CREB3L2: variants seen among roughly 807,000 people sequenced by gnomAD.
The protein encoded by CREB3L2 is cyclic AMP-responsive element-binding protein 3-like protein 2.
A neutral mutation model predicts 57.2 loss-of-function variants in CREB3L2; 23 were observed. That is an observed-to-expected ratio of 0.40 (90% confidence interval 0.29 to 0.57). The LOEUF (loss-of-function observed/expected upper bound fraction) is 0.57, where lower values mean the gene tolerates loss of function less well. Among genes scored for constraint, CREB3L2 ranks in the 20% least tolerant of loss-of-function variants. The probability of loss-of-function intolerance (pLI) is 0.42; values close to 1 mark genes in which losing one functional copy is unlikely to be tolerated. For missense variants in CREB3L2, 628 were observed against 634.7 expected (o/e 0.99, Z 0.11); for synonymous variants, 268 against 265.1 (o/e 1.01, Z -0.11).
intron 8 of CREB3L2, among the ~76,000 whole-genome samples, chr7:137,886,452 C>G (rs776736310): frequency 2.0e-5 from 3 of 151,248 alleles, no homozygotes; most frequent in Non-Finnish European, 4.4e-5. Flanking sequence ...GAGTAACAGG[C>G]ATTCACAGGC....
Position 137,879,791 on chromosome 7 carries a change from GT to G in CREB3L2, c.*684del. On this transcript the variant is annotated 3_prime_UTR_variant, in exon 12 of 12. Transcript: ENST00000330387. The stretch of plus-strand genomic sequence containing the variant: ...AAGCTGGGGAGGCAGAACTATGGAT[GT>G]GTGGGGAACCAGGTTGTGGGAGGTC... The G allele has an allele frequency of 4.2e-6, 1 of 235,684 alleles. No homozygotes were observed. The highest frequency in any genetic ancestry group is 8.4e-6 in the Non-Finnish European group (1 of 119,496). 14.6% of individuals were successfully genotyped at this position (235,684 alleles called of 1,614,324 possible).
chr7:137,887,300 A>C lies in CREB3L2; in HGVS notation c.1044-1798T>G, dbSNP rs28428178. 3.5e-3 allele frequency among the ~76,000 whole-genome samples: 530 copies of C among 152,284 alleles called. 4 individuals are homozygous for C. The highest frequency in any genetic ancestry group is 0.012 in the African/African-American group (486 of 41,554). On this transcript the variant is annotated intron_variant, in intron 8 of 11. Coordinates refer to ENST00000330387, the MANE Select transcript of CREB3L2 (RefSeq NM_194071.4). Reference sequence around the variant, plus strand: ...AAACAAGTTCTCCCAATTTGAGCAAATTAAGGACAGGTTGGCCACAAGAAT... The same window carrying C: ...AAACAAGTTCTCCCAATTTGAGCAACTTAAGGACAGGTTGGCCACAAGAAT...
intron 1 of CREB3L2, chr7:137,957,887 G>A: frequency 1.4e-6 from 1 of 721,748 alleles, no homozygotes; most frequent in Non-Finnish European, 2.1e-6. Context: ...ATCACAGGGT[G>A]GAAGACTGTT....
chr7:137,941,977 T>C (rs1800888627), intron 1 of CREB3L2, among the ~76,000 whole-genome samples: 2 of 152,220 alleles, frequency 1.3e-5, no homozygotes, highest in African/African-American at 4.8e-5. Context: ...TCCCATTTGC[T>C]TACCAGGGGG....
At chr7:137,913,118 C>T in intron 3 of CREB3L2, 40 bp from the exon 4 acceptor site, 1 of 1,597,420 alleles carries the variant, frequency 6.3e-7, no homozygotes, top group South Asian at 1.1e-5. Flanking sequence ...AAAAACCAAT[C>T]ACAGCCTTGA....
chr7:137,929,301 T>C (rs560555948), intron 1 of CREB3L2, among the ~76,000 whole-genome samples: 9 of 152,252 alleles, frequency 5.9e-5, no homozygotes, highest in African/African-American at 2.2e-4. Flanking sequence ...ATATTCATGG[T>C]ATGAGGATCT....
At chr7:137,916,105 C>T in intron 2 of CREB3L2, 93 bp from the exon 3 acceptor site, 1 of 955,524 alleles carries the variant, frequency 1.0e-6, no homozygotes, top group South Asian at 1.8e-5. Flanking sequence ...CCCAAAAAAG[C>T]TCAGTGAAGG....
chr7:137,972,742 G>T (rs1186641981), intron 1 of CREB3L2, among the ~76,000 whole-genome samples: 3,229 of 27,730 alleles, frequency 0.12, 85 homozygotes, highest in East Asian at 0.17. Context: ...TATATAGAGA[G>T]AGAGAGAGAG....
intron 2 of CREB3L2, among the ~76,000 whole-genome samples, chr7:137,916,725 AAGAG>A (rs1800142332): frequency 6.6e-6 from 1 of 151,564 alleles, no homozygotes; most frequent in Non-Finnish European, 1.5e-5. Flanking sequence ...TCAAGAAAGA[AAGAG>A]AGAGAAAGGG....
Position 137,905,868 on chromosome 7 carries a change from GA to G in CREB3L2, c.769-21del. The G allele has an allele frequency of 1.3e-6, 2 of 1,577,070 alleles. No homozygotes were observed. Among genetic ancestry groups the G allele is most frequent in the Non-Finnish European group, 8.6e-7 (1 of 1,165,654 alleles). ...CAGTTTCTGTGCAGACCAAGGAGCA[GA>G]AAAGGGTCAAAGAAAAAGAACTGGG... On this transcript the variant is annotated intron_variant, in intron 5 of 11. Coordinates refer to ENST00000330387, the MANE Select transcript of CREB3L2 (RefSeq NM_194071.4).
intron 1 of CREB3L2, among the ~76,000 whole-genome samples, chr7:137,994,225 C>T (rs1801947030): frequency 6.6e-6 from 1 of 152,180 alleles, no homozygotes; most frequent in African/African-American, 2.4e-5. Context: ...CTATTTACCC[C>T]AAGAGAGTCA....
At chr7:137,924,408 C>T (rs1296417261) in intron 2 of CREB3L2, among the ~76,000 whole-genome samples, 1 of 152,094 alleles carries the variant, frequency 6.6e-6, no homozygotes, top group Non-Finnish European at 1.5e-5. Context: ...AGGAAGAACA[C>T]CAAAATTAAA....
intron 1 of CREB3L2, among the ~76,000 whole-genome samples, chr7:137,991,443 C>T (rs1333075701): frequency 2.0e-5 from 3 of 151,886 alleles, no homozygotes; most frequent in African/African-American, 4.8e-5. Flanking sequence ...GGATTACAGG[C>T]GTGAGCCACC....
chr7:137,966,223 T>C (rs979951443), intron 1 of CREB3L2, among the ~76,000 whole-genome samples: 4 of 152,200 alleles, frequency 2.6e-5, no homozygotes, highest in Admixed American at 2.0e-4. Context: ...TAAGGGCTAG[T>C]TGCATCTTCT....
intron 4 of CREB3L2, among the ~76,000 whole-genome samples, chr7:137,908,911 G>A (rs1464523578): frequency 6.6e-6 from 1 of 152,124 alleles, no homozygotes; most frequent in African/African-American, 2.4e-5. Flanking sequence ...AGGAGGCAGA[G>A]ATTGCAGTGA....
intron 1 of CREB3L2, 92 bp from the exon 2 acceptor site, chr7:137,928,458 G>A (rs1049929800): frequency 8.3e-6 from 8 of 968,612 alleles, no homozygotes; most frequent in South Asian, 4.2e-5. Flanking sequence ...TCCACTGCTC[G>A]ATATGAAGTC....
At position 138,001,718 on chromosome 7, in the gene CREB3L2, C is replaced by T. The variant is rs776596612; in HGVS notation, c.-13G>A. The T allele has an allele frequency of 6.3e-7, 1 of 1,595,474 alleles. No individual in the cohort carries two copies. The highest frequency in any genetic ancestry group is 2.2e-5 in the East Asian group (1 of 44,482). On this transcript the variant is annotated 5_prime_UTR_variant, in exon 1 of 12. Transcript: ENST00000330387. The surrounding 1 kb of genome is among the most constrained non-coding windows in gnomAD (Gnocchi z 4.2). ...CCAGCACCTCCATGGCGGTGCGGGC[C>T]GCGCTGGGCCGAGGATGCTAAGCGC...
rs1423945643 is a variant in CREB3L2 at position 137,946,784 on chromosome 7, ATC to A, written c.103-18420_103-18419del. 4.7e-4 allele frequency among the ~76,000 whole-genome samples: 31 copies of A among 65,716 alleles called. 6 individuals are homozygous for A. Among genetic ancestry groups the A allele is most frequent in the African/African-American group, 3.4e-3 (28 of 8,244 alleles). The allele number at this position is 65,716 out of a possible 152,430, so 43.1% of individuals were successfully genotyped here. A position where few individuals can be genotyped will look rare whatever the true frequency, so the allele number is the denominator to read the frequency against. ...ATATAGTTTAGTTATCTATATAGTT[ATC>A]TATATAGTTATATATAGTTATATAT... On this transcript the variant is annotated intron_variant, in intron 1 of 11. Coordinates refer to ENST00000330387, the MANE Select transcript of CREB3L2 (RefSeq NM_194071.4).
chr7:137,880,023 A>C lies in CREB3L2; in HGVS notation c.*453T>G, dbSNP rs1033269884. The C allele has an allele frequency of 4.0e-6, 1 of 252,614 alleles. No homozygotes were observed. Among genetic ancestry groups the C allele is most frequent in the African/African-American group, 2.2e-5 (1 of 45,684 alleles). The allele number at this position is 252,614 out of a possible 1,614,324, so 15.6% of individuals were successfully genotyped here. A position where few individuals can be genotyped will look rare whatever the true frequency, so the allele number is the denominator to read the frequency against. ...TGTTCACACCAGAGACCCCAGTGCG[A>C]GCAACGGAGGACACGGGTCAGTGCT... On this transcript the variant is annotated 3_prime_UTR_variant, in exon 12 of 12. Transcript: ENST00000330387. The surrounding 1 kb of genome is among the most constrained non-coding windows in gnomAD (Gnocchi z 4.0).
Sources: allele counts gnomAD v4.1 joint callset (sites outside exome capture counted in the v4.1 genomes callset), GRCh38; gene constraint gnomAD v4.1.1; non-coding constraint Gnocchi (gnomAD v3.1); transcripts MANE v1.5; gene names NCBI Gene and HGNC (gene_info 2026-07-23, HGNC 2026-07-21).